SORCS2: variants seen among roughly 807,000 people sequenced by gnomAD.
The protein encoded by SORCS2 is VPS10 domain-containing receptor SorCS2.
A neutral mutation model predicts 141.6 loss-of-function variants in SORCS2; 100 were observed. The observed-to-expected ratio is 0.71, with a 90% CI of 0.60 to 0.83. The LOEUF (loss-of-function observed/expected upper bound fraction) is 0.83. SORCS2 is among the 40% of genes least tolerant of loss of function. The pLI is 0.00. For missense variants in SORCS2, 1,646 were observed against 1,560.2 expected, an observed-to-expected ratio of 1.05 and a Z score of -0.93; for synonymous variants, 789 against 676.9, an observed-to-expected ratio of 1.17 and a Z score of -2.57.
intron 1 of SORCS2, among the ~76,000 whole-genome samples, chr4:7,296,373 C>A (rs1032273247): frequency 6.6e-6 from 1 of 152,216 alleles, no homozygotes; most frequent in East Asian, 1.9e-4. Context: ...TTTTAGGAGC[C>A]GAGGTTGGGC....
chr4:7,244,402 C>T lies in SORCS2; in HGVS notation c.480+51276C>T, dbSNP rs533315308. Among the ~76,000 whole-genome samples, 12 of 152,268 alleles carry T rather than the reference C, an allele frequency of 7.9e-5. No homozygotes were observed. In the South Asian group the frequency reaches 8.3e-4, roughly 11 times the overall value. ...AGATGCCAGCCTGCCTGGTGGAACG[C>T]GGCGCTGCTCCTGCAGGAGTGGACG... On this transcript the variant is annotated intron_variant, in intron 1 of 26. Coordinates refer to ENST00000507866, the MANE Select transcript of SORCS2 (RefSeq NM_020777.3).
chr4:7,397,807 G>GC (rs1216660352), intron 2 of SORCS2, among the ~76,000 whole-genome samples: 4 of 152,224 alleles, frequency 2.6e-5, no homozygotes, highest in Admixed American at 6.5e-5. Context: ...TCACTGCTGG[G>GC]CAGAGGGTCT....
At chr4:7,549,261 C>G (rs1713503408) in intron 3 of SORCS2, among the ~76,000 whole-genome samples, 1 of 152,174 alleles carries the variant, frequency 6.6e-6, no homozygotes, top group South Asian at 2.1e-4. Flanking sequence ...AAATCTCAAA[C>G]TCCTCCTTCC....
At chr4:7,655,996 A>C (rs1298898126) in intron 5 of SORCS2, among the ~76,000 whole-genome samples, 3 of 152,256 alleles carry the variant, frequency 2.0e-5, no homozygotes, top group Admixed American at 2.0e-4. Flanking sequence ...GAATCACAGC[A>C]GACACTGACC....
chr4:7,561,984 C>A (rs191402110), intron 3 of SORCS2, among the ~76,000 whole-genome samples: 17 of 152,336 alleles, frequency 1.1e-4, no homozygotes, highest in Admixed American at 8.5e-4. Context: ...TCTACCCATC[C>A]GTCCCACAAA....
intron 1 of SORCS2, among the ~76,000 whole-genome samples, chr4:7,281,706 C>T (rs377754098): frequency 3.3e-5 from 5 of 152,300 alleles, no homozygotes; most frequent in Admixed American, 3.3e-4. Context: ...GCCTGGGGGC[C>T]GCAGGCTCCC....
At chr4:7,502,859 G>A (rs1732058860) in intron 2 of SORCS2, among the ~76,000 whole-genome samples, 1 of 152,262 alleles carries the variant, frequency 6.6e-6, no homozygotes, top group Admixed American at 6.5e-5. Context: ...TTCCGCTGTG[G>A]CGACTGAGGG....
intron 3 of SORCS2, among the ~76,000 whole-genome samples, chr4:7,587,105 G>T (rs148733708): frequency 6.6e-6 from 1 of 151,986 alleles, no homozygotes. Flanking sequence ...TGAGAGGTGC[G>T]CAAGCAGAAG....
chr4:7,664,408 C>G lies in SORCS2; in HGVS notation c.1008C>G (p.Ala336=), dbSNP rs765913654. 6.2e-7 allele frequency: 1 copy of G among 1,613,918 alleles called. No homozygotes were observed. The highest frequency in any genetic ancestry group is 2.2e-5 in the East Asian group (1 of 44,866). Residue 336 remains alanine (A), a synonymous_variant, in exon 7 of 27, where the codon GCC becomes GCG. Transcript: ENST00000507866. The surrounding 1 kb of genome is among the most constrained non-coding windows in gnomAD (Gnocchi z 4.7). ...ATTGCTCCGAGAAGATGCTGACAGC[C>G]CCATTCGCAGGCCCCATTGACCACG... ...IHNCSEKMLT[A]PFAGPIDHGS...
chr4:7,638,693 G>C (rs1490704219), intron 4 of SORCS2, among the ~76,000 whole-genome samples: 1 of 152,158 alleles, frequency 6.6e-6, no homozygotes. Context: ...GTGCCCACTT[G>C]GCTGTGCTGT....
intron 26 of SORCS2, among the ~76,000 whole-genome samples, chr4:7,738,815 C>G (rs993213552): frequency 6.6e-6 from 1 of 152,196 alleles, no homozygotes; most frequent in Admixed American, 6.5e-5. Context: ...TTCACACTGT[C>G]TTGAGAGGGG....
At chr4:7,196,043 C>A (rs1047593354) in intron 1 of SORCS2, among the ~76,000 whole-genome samples, 1 of 152,178 alleles carries the variant, frequency 6.6e-6, no homozygotes, top group Admixed American at 6.5e-5. Context: ...AGGATTTAAG[C>A]CCTCATTGCT....
intron 17 of SORCS2, among the ~76,000 whole-genome samples, chr4:7,717,178 C>G (rs1435590502): frequency 6.6e-6 from 1 of 152,196 alleles, no homozygotes; most frequent in Non-Finnish European, 1.5e-5. Flanking sequence ...CGTGCCACAC[C>G]CGCTCCTCCT....
At chr4:7,458,936 T>A (rs537749050) in intron 2 of SORCS2, among the ~76,000 whole-genome samples, 1 of 152,198 alleles carries the variant, frequency 6.6e-6, no homozygotes, top group South Asian at 2.1e-4. Context: ...GTGCAAAGGC[T>A]TCTCTGCTGG....
intron 1 of SORCS2, among the ~76,000 whole-genome samples, chr4:7,224,625 A>G (rs1728894992): frequency 6.6e-6 from 1 of 152,214 alleles, no homozygotes; most frequent in African/African-American, 2.4e-5. Flanking sequence ...GGGTGGCACT[A>G]AACCATTCAT....
chr4:7,634,333 G>A (rs983733371), intron 3 of SORCS2, among the ~76,000 whole-genome samples: 1 of 151,170 alleles, frequency 6.6e-6, no homozygotes, highest in Non-Finnish European at 1.5e-5. Flanking sequence ...AGATCGTGCC[G>A]CTGCACTCCA....
intron 3 of SORCS2, among the ~76,000 whole-genome samples, chr4:7,580,351 A>G (rs1232983705): frequency 3.9e-5 from 6 of 152,050 alleles, no homozygotes; most frequent in African/African-American, 7.2e-5. Context: ...ATAGCTAAGC[A>G]TGGTGGTGCA....
At chr4:7,701,734 C>T (rs940357192) in intron 12 of SORCS2, among the ~76,000 whole-genome samples, 2 of 152,188 alleles carry the variant, frequency 1.3e-5, no homozygotes, top group Non-Finnish European at 2.9e-5. Context: ...CATGTCCTCC[C>T]CAGGGCCTTC....
chr4:7,219,089 C>A (rs1183567002), intron 1 of SORCS2, among the ~76,000 whole-genome samples: 1 of 152,104 alleles, frequency 6.6e-6, no homozygotes, highest in East Asian at 1.9e-4. Flanking sequence ...CTATGTCTTT[C>A]TTCTCTGCAC....
Sources: gnomAD v4.1 joint callset for allele counts (sites outside exome capture counted in the v4.1 genomes callset) on GRCh38, gnomAD v4.1.1 for gene constraint, Gnocchi (gnomAD v3.1) non-coding constraint, MANE v1.5 for transcripts, NCBI Gene and HGNC (gene_info 2026-07-23, HGNC 2026-07-21) for gene names.